LRPPRC: variants seen among roughly 807,000 people sequenced by gnomAD.
LRPPRC encodes leucine-rich PPR motif-containing protein, mitochondrial.
LRPPRC carries 120 observed loss-of-function variants against 180.3 expected under a neutral mutation model. The ratio of observed to expected loss-of-function variants is 0.67; its 90% CI spans 0.57 to 0.77. The LOEUF is 0.77. LRPPRC is among the 30% of genes least tolerant of loss of function. The probability of loss-of-function intolerance (pLI) is 0.00; values close to 1 mark genes in which losing one functional copy is unlikely to be tolerated. For synonymous variants in LRPPRC, 723 were observed against 600.0 expected (o/e 1.21, Z -3.00); for missense variants, 2,012 against 1,657.2 (o/e 1.21, Z -3.72).
intron 27 of LRPPRC, among the ~76,000 whole-genome samples, chr2:43,919,798 C>CT (rs1198421306): frequency 4.6e-5 from 7 of 151,814 alleles, no homozygotes; most frequent in Non-Finnish European, 8.8e-5. Flanking sequence ...CTTTAGATGT[C>CT]TTTTTTTAAT....
chr2:43,912,342 C>T (rs548128927), intron 30 of LRPPRC, 90 bp downstream of exon 30: 1 of 1,203,510 alleles, frequency 8.3e-7, no homozygotes, highest in East Asian at 2.4e-5. Context: ...AGCAATTTTA[C>T]TACACAGCAC....
intron 8 of LRPPRC, 124 bp from the exon 9 acceptor site, chr2:43,974,419 T>C: frequency 1.2e-6 from 1 of 853,902 alleles, no homozygotes; most frequent in Middle Eastern, 2.4e-4. Context: ...ACTGCCTAAA[T>C]AACAATAAAA....
intron 1 of LRPPRC, among the ~76,000 whole-genome samples, chr2:43,992,423 G>A (rs938646466): frequency 4.6e-5 from 7 of 152,188 alleles, no homozygotes; most frequent in African/African-American, 1.4e-4. Context: ...CGGCTAGAAC[G>A]CAGGATGCCA....
chr2:43,890,563 A>C (rs748568678), intron 36 of LRPPRC, among the ~76,000 whole-genome samples: 1 of 152,186 alleles, frequency 6.6e-6, no homozygotes, highest in Non-Finnish European at 1.5e-5. Context: ...AATACAAAAA[A>C]TTAGCCGGGC....
At chr2:43,953,878 T>C (rs575045568) in intron 14 of LRPPRC, among the ~76,000 whole-genome samples, 1 of 152,274 alleles carries the variant, frequency 6.6e-6, no homozygotes, top group African/African-American at 2.4e-5. Flanking sequence ...CTCTTAAAGA[T>C]ACTCAATAAT....
Position 43,977,237 on chromosome 2 carries a change from T to C in LRPPRC, c.509A>G (p.Lys170Arg). The C allele has an allele frequency of 6.2e-7, 1 of 1,600,538 alleles. No homozygotes were observed. Among genetic ancestry groups the C allele is most frequent in the Non-Finnish European group, 8.6e-7 (1 of 1,167,858 alleles). The change falls in exon 4 of 38, where the codon AAA becomes AGA. Residue 170 changes from lysine (K) to arginine (R), a missense_variant. Transcript: ENST00000260665. The stretch of plus-strand genomic sequence containing the variant: ...TTTATATTCATTTTGAAGATAGACT[T>C]TAAGTAAAGCATTATAGTGACTCAC... ...YDVSHYNALLKVYLQNEYKFS... is the reference protein window; with the variant it reads ...YDVSHYNALLRVYLQNEYKFS...
chr2:43,963,449 A>C lies in LRPPRC; in HGVS notation c.1488+139T>G, dbSNP rs998346913. The stretch of plus-strand genomic sequence containing the variant: ...ATGAGAGAGAAACTCCATCTCAAAA[A>C]AAAGAAAAAAAGAAAATTGTATACA... On this transcript the variant is annotated intron_variant, in intron 12 of 37. Coordinates refer to ENST00000260665, the MANE Select transcript of LRPPRC (RefSeq NM_133259.4). 3 of 695,856 alleles carry C rather than the reference A, an allele frequency of 4.3e-6. No individual in the cohort carries two copies. In the African/African-American group the frequency reaches 5.4e-5, roughly 12 times the overall value. 43.1% of individuals were successfully genotyped at this position (695,856 alleles called of 1,614,324 possible).
chr2:43,923,020 T>C (rs1383631918), intron 27 of LRPPRC, among the ~76,000 whole-genome samples: 6 of 152,078 alleles, frequency 3.9e-5, no homozygotes, highest in South Asian at 4.2e-4. Flanking sequence ...CCTCAAACTA[T>C]TGACTCAAAT....
chr2:43,921,569 A>T (rs1424388285), intron 27 of LRPPRC, among the ~76,000 whole-genome samples: 1 of 152,242 alleles, frequency 6.6e-6, no homozygotes, highest in African/African-American at 2.4e-5. Context: ...TACATAAAAA[A>T]TACATGGATA....
At chr2:43,942,464 A>AGACTGT (rs1457592486) in intron 23 of LRPPRC, among the ~76,000 whole-genome samples, 1 of 152,136 alleles carries the variant, frequency 6.6e-6, no homozygotes, top group Non-Finnish European at 1.5e-5. Flanking sequence ...TGTAATGCTG[A>AGACTGT]GACTGTAGAG....
At chr2:43,918,511 G>A in intron 27 of LRPPRC, 113 bp from the exon 28 acceptor site, 1 of 861,302 alleles carries the variant, frequency 1.2e-6, no homozygotes, top group Non-Finnish European at 1.9e-6. Context: ...TCCAAATGCT[G>A]CCTTTAGGGA....
At chr2:43,911,492 T>G (rs1392687799) in intron 30 of LRPPRC, among the ~76,000 whole-genome samples, 1 of 151,366 alleles carries the variant, frequency 6.6e-6, no homozygotes, top group African/African-American at 2.4e-5. Context: ...TTTTTTCAGA[T>G]TATTCCTTTT....
chr2:43,974,288 C>G lies in LRPPRC; in HGVS notation c.1017G>C (p.Met339Ile). 1 of 1,610,794 alleles carries G rather than the reference C, an allele frequency of 6.2e-7. No individual in the cohort carries two copies. The highest frequency in any genetic ancestry group is 1.3e-5 in the African/African-American group (1 of 74,994). ...CAGTGACTAAAAGTAAAATGAGGTTCATTGCATCTGGGAAGAAAACAAAGA... is the reference window on the plus strand; with the variant it reads ...CAGTGACTAAAAGTAAAATGAGGTTGATTGCATCTGGGAAGAAAACAAAGA... The part of the protein sequence containing the change: ...TCERRYIPDA[M>I]NLILLLVTEK... Residue 339 changes from methionine (M) to isoleucine (I), a missense_variant, in exon 9 of 38, where the codon ATG (methionine) becomes ATC (isoleucine). Coordinates refer to ENST00000260665, the MANE Select transcript of LRPPRC (RefSeq NM_133259.4).
intron 1 of LRPPRC, among the ~76,000 whole-genome samples, chr2:43,988,096 C>T (rs541426966): frequency 3.3e-5 from 5 of 151,716 alleles, no homozygotes; most frequent in Admixed American, 6.6e-5. Flanking sequence ...AAAAATAAGC[C>T]GGGCATGGTG....
intron 14 of LRPPRC, among the ~76,000 whole-genome samples, chr2:43,951,035 A>C (rs960234405): frequency 6.6e-5 from 10 of 152,028 alleles, no homozygotes; most frequent in African/African-American, 2.2e-4. Context: ...GTGCCACTGC[A>C]CTCCAGCCTG....
intron 29 of LRPPRC, among the ~76,000 whole-genome samples, chr2:43,915,598 C>A (rs947622236): frequency 6.6e-6 from 1 of 152,096 alleles, no homozygotes. Context: ...ACAGGAGCAT[C>A]ACTTGAACCT....
At position 43,918,010 on chromosome 2, in the gene LRPPRC, C is replaced by T; in HGVS notation, c.3148+15G>A. ...CCACCCCCCCACACACACCCCCATC[C>T]CCGTATGTGCTTGCCTTTTTTTTGG... is the stretch of plus-strand genomic sequence containing the variant. On this transcript the variant is annotated intron_variant, in intron 29 of 37. Coordinates refer to ENST00000260665, the MANE Select transcript of LRPPRC (RefSeq NM_133259.4). 6.4e-7 allele frequency: 1 copy of T among 1,571,718 alleles called. No homozygotes were observed. Among genetic ancestry groups the T allele is most frequent in the Non-Finnish European group, 8.8e-7 (1 of 1,142,384 alleles).
intron 37 of LRPPRC, among the ~76,000 whole-genome samples, chr2:43,889,207 T>C (rs755860762): frequency 8.5e-5 from 12 of 140,570 alleles, no homozygotes; most frequent in Non-Finnish European, 1.7e-4. Context: ...CCCAGCTACT[T>C]GGGAGGCTGA....
chr2:43,925,113 A>T lies in LRPPRC; in HGVS notation c.2850T>A (p.Phe950Leu). ...AGTACATCTGGTCTCTATCACATTC[A>T]AATAGCTTCTGTGTCAGCTCCACTA... ...EKLVELTQKL[F>L]ECDRDQMYYN... The change falls in exon 27 of 38, where the codon TTT (phenylalanine) becomes TTA (leucine). Residue 950 changes from phenylalanine to leucine, a missense_variant. By Grantham distance (22) the Phe-to-Leu change is conservative (BLOSUM62 0). Transcript: ENST00000260665. 6.2e-7 allele frequency: 1 copy of T among 1,604,618 alleles called. No individual in the cohort carries two copies. The highest frequency in any genetic ancestry group is 8.5e-7 in the Non-Finnish European group (1 of 1,171,438).
Sources: gnomAD v4.1 joint callset for allele counts (sites outside exome capture counted in the v4.1 genomes callset) on GRCh38, gnomAD v4.1.1 for gene constraint, MANE v1.5 for transcripts, NCBI Gene and HGNC (gene_info 2026-07-23, HGNC 2026-07-21) for gene names.